The following DPEP1 variants were observed in gnomAD, a reference collection of about 807,000 sequenced individuals.
The protein encoded by DPEP1 is dipeptidase 1, also known as beta-lactamase.
DPEP1 carries 50 observed loss-of-function variants against 42.3 expected under a neutral mutation model. That is an observed-to-expected ratio of 1.18 (90% confidence interval 0.94 to 1.50). The LOEUF (loss-of-function observed/expected upper bound fraction) is 1.50, where lower values mean the gene tolerates loss of function less well. DPEP1 is among the 40% of genes most tolerant of loss of function. The probability of loss-of-function intolerance (pLI) is 0.00; values close to 1 mark genes in which losing one functional copy is unlikely to be tolerated. For synonymous variants in DPEP1, 297 were observed against 234.0 expected, an observed-to-expected ratio of 1.27 and a Z score of -2.46; for missense variants, 663 against 553.0, an observed-to-expected ratio of 1.20 and a Z score of -1.99.
At chr16:89,615,694 C>T (rs2059373927) in intron 1 of DPEP1, among the ~76,000 whole-genome samples, 1 of 152,326 alleles carries the variant, frequency 6.6e-6, no homozygotes, top group African/African-American at 2.4e-5. Context: ...CCCCGCGAGG[C>T]CCCGGTGAAC....
intron 1 of DPEP1, among the ~76,000 whole-genome samples, chr16:89,621,829 T>TGC (rs1221975204): frequency 1.3e-5 from 2 of 152,194 alleles, no homozygotes; most frequent in Admixed American, 1.3e-4. Context: ...CGTGTGGGCT[T>TGC]GCGATGCGCC....
chr16:89,619,127 C>T (rs182817188), intron 1 of DPEP1, among the ~76,000 whole-genome samples: 6 of 5,952 alleles, frequency 1.0e-3, no homozygotes, highest in East Asian at 0.011. Flanking sequence ...CTCCCTGCCC[C>T]CCCTGCTCCC....
At chr16:89,616,565 A>T (rs2059380702) in intron 1 of DPEP1, among the ~76,000 whole-genome samples, 1 of 152,190 alleles carries the variant, frequency 6.6e-6, no homozygotes, top group Non-Finnish European at 1.5e-5. Context: ...CCCAGATGGC[A>T]CAGATGCTTC....
Position 89,636,413 on chromosome 16 carries a change from G to C in DPEP1, c.370+17G>C. The stretch of plus-strand genomic sequence containing the variant: ...GCAGTGCAGGTGGGGTCCTGACCTG[G>C]GTCCTCCAGGTCCTGCGTCTTCTCA... On this transcript the variant is annotated intron_variant, in intron 4 of 10. Transcript: ENST00000690203. 6.2e-7 allele frequency: 1 copy of C among 1,605,298 alleles called. No homozygotes were observed. Among genetic ancestry groups the C allele is most frequent in the Non-Finnish European group, 8.5e-7 (1 of 1,175,518 alleles).
chr16:89,624,371 T>C (rs551782087), intron 1 of DPEP1, among the ~76,000 whole-genome samples: 13 of 152,238 alleles, frequency 8.5e-5, no homozygotes, highest in African/African-American at 2.9e-4. Flanking sequence ...AAGGATGGCC[T>C]GGACCGTAAT....
In DPEP1 at chr16:89,638,075, C is replaced by G. The variant is rs144735904; in HGVS notation, c.1089C>G (p.Pro363=). The change falls in exon 11 of 11, where the codon CCC becomes CCG. Residue 363 remains proline (P), a synonymous_variant. Coordinates refer to ENST00000690203, the MANE Select transcript of DPEP1 (RefSeq NM_001389466.1). ...VEQASNLTQA[P]EEEPIPLDQL... ...AGGCCAGCAACCTCACACAGGCTCC[C>G]GAGGAGGAGCCCATCCCGCTGGACC... is the stretch of plus-strand genomic sequence containing the variant. The G allele has an allele frequency of 6.2e-7, 1 of 1,612,094 alleles. No homozygotes were observed. Among genetic ancestry groups the G allele is most frequent in the Non-Finnish European group, 8.5e-7 (1 of 1,179,810 alleles).
chr16:89,637,192 C>T lies in DPEP1; in HGVS notation c.592-12C>T, dbSNP rs781251798. On this transcript the variant is annotated splice_polypyrimidine_tract_variant and intron_variant, in intron 6 of 10. Transcript: ENST00000690203. ...GGGGGCTGTGAGGGTGGACGGAGCC[C>T]TGTCTTCCCAGCGTGTGGTGAAGGA... The T allele has an allele frequency of 1.2e-6, 2 of 1,609,904 alleles. No individual in the cohort carries two copies. Among genetic ancestry groups the T allele is most frequent in the African/African-American group, 1.3e-5 (1 of 74,992 alleles).
In DPEP1 at chr16:89,637,332, C is replaced by T. The variant is rs372442916; in HGVS notation, c.720C>T (p.Ser240=). 2.4e-5 allele frequency: 38 copies of T among 1,612,360 alleles called. No individual in the cohort carries two copies. The highest frequency in any genetic ancestry group is 2.7e-5 in the African/African-American group (2 of 74,938). The change falls in exon 7 of 11, where the codon AGC becomes AGT. Residue 240 remains serine, a synonymous_variant. Transcript: ENST00000690203. The part of the protein sequence containing the change: ...PVIFSHSSAY[S]VCASRRNVPD... Reference sequence around the variant, plus strand: ...TCTTCAGCCACTCCTCGGCCTACAGCGTGTGCGCAAGCCGGCGCAACGTGC... The same window carrying T: ...TCTTCAGCCACTCCTCGGCCTACAGTGTGTGCGCAAGCCGGCGCAACGTGC...
chr16:89,620,937 C>T (rs1031778245), intron 1 of DPEP1, among the ~76,000 whole-genome samples: 1 of 152,154 alleles, frequency 6.6e-6, no homozygotes, highest in Non-Finnish European at 1.5e-5. Flanking sequence ...GAGTAGGCAT[C>T]TACAGCATAG....
intron 2 of DPEP1, among the ~76,000 whole-genome samples, chr16:89,633,929 CG>C (rs1314822040): frequency 6.6e-6 from 1 of 152,064 alleles, no homozygotes; most frequent in African/African-American, 2.4e-5. Context: ...GACCCAGTGA[CG>C]GGGAAGGGGA....
downstream of DPEP1, chr16:89,640,470 C>T: frequency 1.3e-6 from 1 of 769,670 alleles, no homozygotes; most frequent in Non-Finnish European, 1.6e-6. Flanking sequence ...GCAGGGGGCT[C>T]CGGGGTCCAT....
chr16:89,621,818 C>A (rs888480191), intron 1 of DPEP1, among the ~76,000 whole-genome samples: 2 of 152,178 alleles, frequency 1.3e-5, no homozygotes, highest in African/African-American at 4.8e-5. Flanking sequence ...ACGTATCTGA[C>A]CGTGTGGGCT....
chr16:89,626,403 T>G (rs1303745015), intron 1 of DPEP1: 2 of 152,318 alleles, frequency 1.3e-5, no homozygotes, highest in South Asian at 2.1e-4. Context: ...CTGGCTGGAG[T>G]GCAGTGGCAC....
chr16:89,624,085 G>A (rs1277666723), intron 1 of DPEP1, among the ~76,000 whole-genome samples: 1 of 152,100 alleles, frequency 6.6e-6, no homozygotes, highest in Non-Finnish European at 1.5e-5. Context: ...CTACTGATGA[G>A]GGCAGAATAA....
At position 89,637,846 on chromosome 16, in the gene DPEP1, G is replaced by A. The variant is rs769438729; in HGVS notation, c.940G>A (p.Gly314Arg). 2.0e-5 allele frequency: 33 copies of A among 1,612,776 alleles called. No homozygotes were observed. In the South Asian group the frequency reaches 3.2e-4, roughly 16 times the overall value. ...CTGGCCTCAACACAGGGTCCCTGAGGGGCTGGAGGACGTCTCCAAGTATCC... is the reference window on the plus strand; with the variant it reads ...CTGGCCTCAACACAGGGTCCCTGAGAGGCTGGAGGACGTCTCCAAGTATCC... ...DFDGVPRVPE[G>R]LEDVSKYPDL... The change falls in exon 10 of 11, where the codon GGG becomes AGG. Residue 314 changes from glycine to arginine, a missense_variant. Gly to Arg is a moderately radical substitution (Grantham distance 125, BLOSUM62 -2). Coordinates refer to ENST00000690203, the MANE Select transcript of DPEP1 (RefSeq NM_001389466.1).
intron 1 of DPEP1, among the ~76,000 whole-genome samples, chr16:89,618,870 C>A (rs906658626): frequency 6.6e-6 from 1 of 151,904 alleles, no homozygotes; most frequent in Non-Finnish European, 1.5e-5. Flanking sequence ...TACGTACGCA[C>A]ATCCCACCAG....
At chr16:89,630,050 A>C (rs1218525488) in intron 1 of DPEP1, among the ~76,000 whole-genome samples, 1 of 151,818 alleles carries the variant, frequency 6.6e-6, no homozygotes. Flanking sequence ...GCCACTCACC[A>C]CTCATCTGGG....
At chr16:89,627,068 T>A (rs953952195) in intron 1 of DPEP1, among the ~76,000 whole-genome samples, 20 of 148,586 alleles carry the variant, frequency 1.3e-4, no homozygotes, top group Non-Finnish European at 2.4e-4. Context: ...GAGACCATCC[T>A]GGCTAAAACG....
chr16:89,632,127 G>T (rs1023591542), intron 2 of DPEP1, among the ~76,000 whole-genome samples: 6 of 152,174 alleles, frequency 3.9e-5, no homozygotes, highest in Admixed American at 3.3e-4. Context: ...TCAGCTCGCT[G>T]CAACCTCTGC....
Sources: gnomAD v4.1 joint callset for allele counts (sites outside exome capture counted in the v4.1 genomes callset) on GRCh38, gnomAD v4.1.1 for gene constraint, MANE v1.5 for transcripts, NCBI Gene and HGNC (gene_info 2026-07-23, HGNC 2026-07-21) for gene names.